RALYL: variants seen among roughly 807,000 people sequenced by gnomAD.
RALYL encodes RNA-binding Raly-like protein.
RALYL carries 29 observed loss-of-function variants against 35.1 expected under a neutral mutation model. The observed-to-expected ratio is 0.83, with a 90% CI of 0.61 to 1.13. The LOEUF (loss-of-function observed/expected upper bound fraction) is 1.13, where lower values mean the gene tolerates loss of function less well. Ranked by LOEUF, RALYL falls within the 50% of genes most tolerant of loss-of-function variation. RALYL has a pLI of 0.00. For missense variants in RALYL, 359 were observed against 360.4 expected, an observed-to-expected ratio of 1.00 and a Z score of 0.03; for synonymous variants, 120 against 127.6, an observed-to-expected ratio of 0.94 and a Z score of 0.40.
chr8:84,252,799 A>T (rs1401236802), intron 1 of RALYL, among the ~76,000 whole-genome samples: 1 of 152,132 alleles, frequency 6.6e-6, no homozygotes, highest in African/African-American at 2.4e-5. Context: ...TTGATGTATA[A>T]TTGATAACCC....
rs564059419 is a variant in RALYL, at chr8:84,443,655, A to T, written c.-23-85644A>T. Among the ~76,000 whole-genome samples the T allele has an allele frequency of 2.6e-5, 4 of 152,274 alleles. No homozygotes were observed. In the South Asian group the frequency reaches 8.3e-4, roughly 32 times the overall value. ...ATCTCGATGCCTGTAGGAGCCAGGC[A>T]TGAGGGCGCTAAGTGAAGCAGCTGG... is the stretch of plus-strand genomic sequence containing the variant. On this transcript the variant is annotated intron_variant, in intron 1 of 8. Transcript: ENST00000521268.
chr8:84,727,808 C>A (rs893439381), intron 2 of RALYL, among the ~76,000 whole-genome samples: 2 of 151,808 alleles, frequency 1.3e-5, no homozygotes, highest in Admixed American at 6.6e-5. Context: ...TGAACTCATC[C>A]TTTTTTATGG....
intron 1 of RALYL, among the ~76,000 whole-genome samples, chr8:84,225,121 A>G (rs1823541617): frequency 6.6e-6 from 1 of 152,226 alleles, no homozygotes; most frequent in African/African-American, 2.4e-5. Context: ...GTTAGAAGTT[A>G]TCCTTAATTC....
intron 8 of RALYL, among the ~76,000 whole-genome samples, chr8:84,908,844 T>C (rs1847008800): frequency 6.6e-6 from 1 of 151,312 alleles, no homozygotes; most frequent in African/African-American, 2.4e-5. Flanking sequence ...ATATTCTGAC[T>C]GGATGTCACC....
At chr8:84,670,999 A>G (rs1437569555) in intron 2 of RALYL, among the ~76,000 whole-genome samples, 1 of 152,214 alleles carries the variant, frequency 6.6e-6, no homozygotes, top group East Asian at 1.9e-4. Context: ...GAGCCTGTAA[A>G]ATCAAAAGCA....
chr8:84,672,713 T>C (rs553122562), intron 2 of RALYL, among the ~76,000 whole-genome samples: 15 of 152,250 alleles, frequency 9.9e-5, no homozygotes, highest in Admixed American at 6.5e-4. Context: ...AAGTGCCCTT[T>C]ATAAAACCTT....
intron 1 of RALYL, among the ~76,000 whole-genome samples, chr8:84,263,081 A>G (rs892919371): frequency 9.9e-5 from 15 of 152,170 alleles, no homozygotes; most frequent in African/African-American, 2.9e-4. Context: ...CAATATATCA[A>G]TGTAGCAAAA....
At chr8:84,590,363 G>A (rs994678138) in intron 2 of RALYL, among the ~76,000 whole-genome samples, 2 of 152,218 alleles carry the variant, frequency 1.3e-5, no homozygotes, top group Non-Finnish European at 2.9e-5. Context: ...TAGTCACAAA[G>A]TAGAATCAAG....
intron 2 of RALYL, among the ~76,000 whole-genome samples, chr8:84,706,778 T>G (rs1447960393): frequency 1.3e-5 from 2 of 152,164 alleles, no homozygotes; most frequent in Non-Finnish European, 2.9e-5. Context: ...TAACACTATT[T>G]TACGGTAAAG....
In RALYL at chr8:84,921,083, G is replaced by C; in HGVS notation, c.*172G>C. On this transcript the variant is annotated 3_prime_UTR_variant, in exon 9 of 9. Coordinates refer to ENST00000521268, the MANE Select transcript of RALYL (RefSeq NM_173848.7). ...GTTTTAGAAATTCCATTTCTTCTAT[G>C]TTTTAAGCTGTACAATTGTCAGGTT... The C allele has an allele frequency of 2.4e-6, 1 of 413,730 alleles. No individual in the cohort carries two copies. The highest frequency in any genetic ancestry group is 3.9e-5 in the East Asian group (1 of 25,960). 25.6% of individuals were successfully genotyped at this position (413,730 alleles called of 1,614,324 possible).
At chr8:84,471,885 GT>G in intron 1 of RALYL, among the ~76,000 whole-genome samples, 1 of 152,232 alleles carries the variant, frequency 6.6e-6, no homozygotes, top group South Asian at 2.1e-4. Flanking sequence ...ATACCATGAA[GT>G]GTTTGTTATA....
At chr8:84,883,522 G>A (rs1457744431) in intron 7 of RALYL, among the ~76,000 whole-genome samples, 1 of 151,950 alleles carries the variant, frequency 6.6e-6, no homozygotes, top group African/African-American at 2.4e-5. Flanking sequence ...GGAGAAACGG[G>A]AAACCCCTTA....
intron 1 of RALYL, among the ~76,000 whole-genome samples, chr8:84,356,011 T>A (rs1470529802): frequency 6.7e-6 from 1 of 149,750 alleles, no homozygotes; most frequent in Non-Finnish European, 1.5e-5. Context: ...TCTTGGGAGA[T>A]CTGATGGTTT....
intron 1 of RALYL, among the ~76,000 whole-genome samples, chr8:84,473,486 A>G: frequency 6.6e-6 from 1 of 151,854 alleles, no homozygotes; most frequent in East Asian, 1.9e-4. Flanking sequence ...TCAAATGCCA[A>G]TTAAATTTAT....
At chr8:84,561,353 G>C (rs1242473819) in intron 2 of RALYL, among the ~76,000 whole-genome samples, 1 of 151,952 alleles carries the variant, frequency 6.6e-6, no homozygotes, top group Non-Finnish European at 1.5e-5. Context: ...GGAAGAGCAA[G>C]ATTTAGCTAA....
intron 5 of RALYL, among the ~76,000 whole-genome samples, chr8:84,859,258 A>G (rs1837639886): frequency 6.6e-6 from 1 of 152,052 alleles, no homozygotes; most frequent in South Asian, 2.1e-4. Context: ...GGTACTTTCA[A>G]TTTTTCATCG....
At chr8:84,217,037 G>A (rs1218132317) in intron 1 of RALYL, among the ~76,000 whole-genome samples, 1 of 152,056 alleles carries the variant, frequency 6.6e-6, no homozygotes, top group Admixed American at 6.6e-5. Context: ...AACACAAAGG[G>A]TTATAATAGG....
At chr8:84,235,997 C>A (rs545235449) in intron 1 of RALYL, among the ~76,000 whole-genome samples, 2 of 152,060 alleles carry the variant, frequency 1.3e-5, no homozygotes, top group South Asian at 4.2e-4. Flanking sequence ...GATCTCCTGA[C>A]CTCATAATCC....
chr8:84,360,661 T>C (rs1162405155), intron 1 of RALYL, among the ~76,000 whole-genome samples: 1 of 152,116 alleles, frequency 6.6e-6, no homozygotes, highest in Non-Finnish European at 1.5e-5. Flanking sequence ...GGAAAGGAAT[T>C]GCACATTGGA....
Sources: allele counts gnomAD v4.1 joint callset (sites outside exome capture counted in the v4.1 genomes callset), GRCh38; gene constraint gnomAD v4.1.1; transcripts MANE v1.5; gene names NCBI Gene and HGNC (gene_info 2026-07-23, HGNC 2026-07-21).